The following CEP95 variants were observed in gnomAD, a reference collection of about 807,000 sequenced individuals.
CEP95 encodes centrosomal protein 95, also known as centrosomal protein of 95 kDa.
CEP95 carries 98 observed loss-of-function variants against 111.2 expected under a neutral mutation model. The ratio of observed to expected loss-of-function variants is 0.88; its 90% confidence interval spans 0.75 to 1.04. The LOEUF (loss-of-function observed/expected upper bound fraction) is 1.04. Ranked by LOEUF, CEP95 falls within the 50% of genes least tolerant of loss-of-function variation. The pLI is 0.00. For synonymous variants in CEP95, 323 were observed against 327.1 expected (o/e 0.99, Z 0.14); for missense variants, 1,027 against 977.2 (o/e 1.05, Z -0.68).
rs1299016408 is a variant in CEP95, at chr17:64,516,982, A to T, written c.473+154A>T. Among the ~76,000 whole-genome samples the T allele has an allele frequency of 2.6e-5, 4 of 152,346 alleles. No homozygotes were observed. The East Asian group carries it at 7.7e-4, about 29-fold the overall frequency. On this transcript the variant is annotated intron_variant, in intron 5 of 19. Coordinates refer to ENST00000556440, the MANE Select transcript of CEP95 (RefSeq NM_138363.3). ...TTTTAAACTTTCCTGAGGGAGTTTTAAGAACCTTGAGTTACATATAATACC... is the reference window on the plus strand; with the variant it reads ...TTTTAAACTTTCCTGAGGGAGTTTTTAGAACCTTGAGTTACATATAATACC...
chr17:64,506,975 T>C (rs576622317), upstream of CEP95: 7 of 1,104,098 alleles, frequency 6.3e-6, no homozygotes, highest in South Asian at 9.3e-5. Flanking sequence ...CTTTCACGCC[T>C]CCTTCCCCGC....
In CEP95 at chr17:64,507,598, C is replaced by T. The variant is rs1037471811; in HGVS notation, c.19+482C>T. ...TTTTCTCTTCAGTGCCCTCTAGAGT[C>T]ATGGGCTTTGTCTAGCACCGCTTTT... On this transcript the variant is annotated intron_variant, in intron 1 of 19. Transcript: ENST00000556440. 7 of 1,005,240 alleles carry T rather than the reference C, an allele frequency of 7.0e-6. No individual in the cohort carries two copies. In the South Asian group the frequency reaches 2.8e-4, roughly 40 times the overall value. 62.3% of individuals were successfully genotyped at this position (1,005,240 alleles called of 1,614,324 possible).
chr17:64,537,639 A>C lies in CEP95; in HGVS notation c.2326A>C (p.Met776Leu), dbSNP rs534035908. 2.7e-5 allele frequency: 43 copies of C among 1,612,198 alleles called. No individual in the cohort carries two copies. The East Asian group carries it at 9.4e-4, about 35-fold the overall frequency. ...GGTGAAGAGGGAGCTGAGATCTAAG[A>C]TGGAGAAGGAAATTCAGCAGCTGCA... ...HKVKRELRSK[M>L]EKEIQQLQDM... Residue 776 changes from methionine to leucine, a missense_variant, in exon 20 of 20, where the codon ATG becomes CTG. Physicochemically the swap from Met to Leu is conservative, Grantham distance 15 (BLOSUM62 2). Coordinates refer to ENST00000556440, the MANE Select transcript of CEP95 (RefSeq NM_138363.3).
rs1967889972 is a variant in CEP95 at position 64,527,265 on chromosome 17, G to A, written c.1306+1G>A. ...TATGGGCCAAAGAAGTCAAGGCCAG[G>A]TACTTACCCCAGAGAGACTGAGAAG... On this transcript the variant is annotated splice_donor_variant, in intron 11 of 19. Transcript: ENST00000556440. LOFTEE classifies it high-confidence loss of function. 3 of 1,606,846 alleles carry A rather than the reference G, an allele frequency of 1.9e-6. No individual in the cohort carries two copies. Among genetic ancestry groups the A allele is most frequent in the South Asian group, 2.2e-5 (2 of 89,686 alleles).
chr17:64,508,171 T>C (rs2038676545), intron 1 of CEP95: 81 of 985,340 alleles, frequency 8.2e-5, no homozygotes, highest in Non-Finnish European at 9.6e-5. Flanking sequence ...AGACCAATAC[T>C]ATTGCAAGTG....
At chr17:64,526,896 G>C (rs1205288429) in intron 10 of CEP95, 1 of 358,610 alleles carries the variant, frequency 2.8e-6, no homozygotes, top group Non-Finnish European at 5.2e-6. Context: ...GTAGGCAGAG[G>C]TTACAGTGAG....
intron 3 of CEP95, among the ~76,000 whole-genome samples, chr17:64,510,996 C>T (rs1438618110): frequency 5.3e-5 from 8 of 152,088 alleles, no homozygotes; most frequent in Admixed American, 3.9e-4. Context: ...CTGTAGGTTC[C>T]GTGATGCCCC....
intron 5 of CEP95, 62 bp from the exon 6 acceptor site, chr17:64,519,259 G>C: frequency 9.5e-7 from 1 of 1,049,112 alleles, no homozygotes; most frequent in South Asian, 1.3e-5. Flanking sequence ...AGCTCTCCAG[G>C]TCCTCAGGGG....
rs782721114 is a variant in CEP95, at chr17:64,537,077, C to G, written c.2254C>G (p.Gln752Glu). The G allele has an allele frequency of 1.4e-5, 22 of 1,613,016 alleles. No homozygotes were observed. The highest frequency in any genetic ancestry group is 1.8e-5 in the Non-Finnish European group (21 of 1,179,452). The part of the protein sequence containing the change: ...LLAEAISQEH[Q>E]ELKAREKSQA... ...GGCAGAAGCCATATCACAGGAACAT[C>G]AAGAACTTAAAGCCAGAGAGAAATC... Residue 752 changes from glutamine to glutamate, a missense_variant, in exon 19 of 20, where the codon CAA (glutamine) becomes GAA (glutamate). Physicochemically the swap from Gln to Glu is conservative, Grantham distance 29. Transcript: ENST00000556440.
At position 64,537,783 on chromosome 17, in the gene CEP95, C is replaced by T; in HGVS notation, c.*4C>T. The T allele has an allele frequency of 6.4e-7, 1 of 1,565,174 alleles. No individual in the cohort carries two copies. Among genetic ancestry groups the T allele is most frequent in the Non-Finnish European group, 8.7e-7 (1 of 1,152,830 alleles). ...CAGTAAAAGTCCCTCCCTATGAGGC[C>T]AGACTTGATAATAGTAGGTGAAGGT... On this transcript the variant is annotated 3_prime_UTR_variant, in exon 20 of 20. Coordinates refer to ENST00000556440, the MANE Select transcript of CEP95 (RefSeq NM_138363.3).
chr17:64,509,985 TACTC>T (rs1161451138), intron 2 of CEP95, among the ~76,000 whole-genome samples, 184 bp from the exon 3 acceptor site: 8 of 152,158 alleles, frequency 5.3e-5, no homozygotes, highest in African/African-American at 1.9e-4. Flanking sequence ...AATCAATAAA[TACTC>T]AACCAGTAAA....
intron 7 of CEP95, 116 bp downstream of exon 7, chr17:64,521,643 T>C (rs868916416): frequency 2.3e-5 from 19 of 813,220 alleles, no homozygotes; most frequent in East Asian, 1.5e-4. Context: ...TGGTCTTACA[T>C]GATCTTACTT....
At chr17:64,537,426 AC>A in intron 19 of CEP95, 176 bp from the exon 20 acceptor site, 1 of 1,382,946 alleles carries the variant, frequency 7.2e-7, no homozygotes, top group Non-Finnish European at 9.3e-7. Flanking sequence ...TCCATCTATG[AC>A]CCAAGACATT....
intron 12 of CEP95, 87 bp downstream of exon 12, chr17:64,529,514 T>G: frequency 3.6e-6 from 5 of 1,376,464 alleles, no homozygotes; most frequent in Non-Finnish European, 5.0e-6. Flanking sequence ...GCTGTTGATT[T>G]AGGCTTAAAA....
chr17:64,536,699 G>GATGA lies in CEP95; in HGVS notation c.2169_2170insTGAA (p.Arg724Ter). ...AAAGAAAAGCGAGATGAACAAAGGAGACGCCACCAGGATGAACTGGACTCC... is the reference window on the plus strand; with the variant it reads ...AAAGAAAAGCGAGATGAACAAAGGAGATGAACGCCACCAGGATGAACTGGACTCC... On this transcript the variant is annotated stop_gained and frameshift_variant, in exon 18 of 20. Coordinates refer to ENST00000556440, the MANE Select transcript of CEP95 (RefSeq NM_138363.3). LOFTEE classifies it high-confidence loss of function. The GATGA allele has an allele frequency of 6.2e-7, 1 of 1,612,986 alleles. No individual in the cohort carries two copies. The highest frequency in any genetic ancestry group is 8.5e-7 in the Non-Finnish European group (1 of 1,179,596).
Position 64,525,770 on chromosome 17 carries a change from G to C in CEP95, c.910G>C (p.Asp304His). Residue 304 changes from aspartate to histidine, a missense_variant and splice_region_variant, in exon 9 of 20, where the codon GAT (aspartate) becomes CAT (histidine). Transcript: ENST00000556440. ...STGEHTEFSG[D>H]LDDGLFLISK... is the part of the protein sequence containing the mutation. ...TCAACTTTTTTTCTGTTTTTAATAG[G>C]ATCTAGATGATGGACTTTTCTTAAT... 6.3e-7 allele frequency: 1 copy of C among 1,591,014 alleles called. No homozygotes were observed. The highest frequency in any genetic ancestry group is 8.6e-7 in the Non-Finnish European group (1 of 1,165,750).
chr17:64,516,662 C>G, intron 4 of CEP95, 61 bp from the exon 5 acceptor site: 1 of 1,012,702 alleles, frequency 9.9e-7, no homozygotes, highest in East Asian at 2.5e-5. Flanking sequence ...CTGCCTCTTA[C>G]ATAGAAAAAG....
At chr17:64,511,947 T>C (rs2144350765) in intron 3 of CEP95, among the ~76,000 whole-genome samples, 1 of 152,376 alleles carries the variant, frequency 6.6e-6, no homozygotes, top group South Asian at 2.1e-4. Context: ...CGTATTGTTT[T>C]ATTTTAAAGC....
At position 64,507,085 on chromosome 17, in the gene CEP95, C is replaced by G. The variant is rs1555673160; in HGVS notation, c.-13C>G. On this transcript the variant is annotated 5_prime_UTR_variant, in exon 1 of 20. Transcript: ENST00000556440. Reference sequence around the variant, plus strand: ...GGCCGCGTCGGAGTCCGGCGGCGACCTGCCTCTGAAACATGGCAGGCTCGG... The same window carrying G: ...GGCCGCGTCGGAGTCCGGCGGCGACGTGCCTCTGAAACATGGCAGGCTCGG... The G allele has an allele frequency of 4.5e-6, 7 of 1,551,148 alleles. No individual in the cohort carries two copies. The Admixed American group carries it at 7.8e-5, about 17-fold the overall frequency.
Sources: allele counts gnomAD v4.1 joint callset (sites outside exome capture counted in the v4.1 genomes callset), GRCh38; gene constraint gnomAD v4.1.1; transcripts MANE v1.5; gene names NCBI Gene and HGNC (gene_info 2026-07-23, HGNC 2026-07-21).